CAPSL: variants seen among roughly 807,000 people sequenced by gnomAD.
CAPSL encodes calcyphosin-like protein.
In CAPSL, 17 loss-of-function variants were observed where a neutral mutation model predicts 21.3. The ratio of observed to expected loss-of-function variants is 0.80; its 90% CI spans 0.55 to 1.20. The LOEUF is 1.20. Among genes scored for constraint, CAPSL ranks in the 50% most tolerant of loss-of-function variants. CAPSL has a pLI of 0.00. For missense variants in CAPSL, 289 were observed against 259.3 expected (o/e 1.11, Z -0.79); for synonymous variants, 102 against 89.3 (o/e 1.14, Z -0.80).
chr5:35,914,603 A>G (rs1738322891), intron 2 of CAPSL, among the ~76,000 whole-genome samples: 1 of 152,208 alleles, frequency 6.6e-6, no homozygotes, highest in Admixed American at 6.5e-5. Flanking sequence ...CTGCTCCTGA[A>G]TGACTACTGG....
At chr5:35,937,088 C>T (rs149384324) in intron 1 of CAPSL, among the ~76,000 whole-genome samples, 412 of 152,316 alleles carry the variant, frequency 2.7e-3, no homozygotes, top group Non-Finnish European at 4.4e-3. Flanking sequence ...TTTCCATTCC[C>T]TCATCTCCAT....
At chr5:35,914,839 A>G (rs566117052) in intron 2 of CAPSL, among the ~76,000 whole-genome samples, 3 of 152,346 alleles carry the variant, frequency 2.0e-5, no homozygotes, top group Admixed American at 1.3e-4. Context: ...AGCTAGCAGA[A>G]GGCAAGAAAT....
intron 1 of CAPSL, among the ~76,000 whole-genome samples, chr5:35,921,981 G>C (rs1738550841): frequency 6.6e-6 from 1 of 151,878 alleles, no homozygotes; most frequent in African/African-American, 2.4e-5. Context: ...CAGTAAATGG[G>C]GGATTCTGGA....
intron 1 of CAPSL, among the ~76,000 whole-genome samples, chr5:35,927,481 C>A (rs544410432): frequency 1.1e-4 from 16 of 152,290 alleles, no homozygotes; most frequent in African/African-American, 3.8e-4. Context: ...ATACAGTAGG[C>A]AGCTGTTGAT....
At chr5:35,913,108 G>T (rs903917434) in intron 2 of CAPSL, among the ~76,000 whole-genome samples, 1 of 152,226 alleles carries the variant, frequency 6.6e-6, no homozygotes, top group Admixed American at 6.5e-5. Flanking sequence ...AAGGGTATCA[G>T]TGATGGAAGA....
intron 2 of CAPSL, among the ~76,000 whole-genome samples, chr5:35,917,936 T>C (rs1738435856): frequency 6.6e-6 from 1 of 152,136 alleles, no homozygotes; most frequent in South Asian, 2.1e-4. Flanking sequence ...AGAATGGTGA[T>C]CATTAAAAAG....
rs752533052 is a variant in CAPSL at position 35,909,940 on chromosome 5, CA to C, written c.450del (p.Asn150LysfsTer27). On this transcript the variant is annotated frameshift_variant, in exon 4 of 5. Coordinates refer to ENST00000651391, the MANE Select transcript of CAPSL (RefSeq NM_001042625.2). LOFTEE classifies it high-confidence loss of function. ...AATACTTGTTCCTCACTCCATTCCCCATTCTGGTACTTTGGGTGGTGTTTTG... is the reference window on the plus strand; with the variant it reads ...AATACTTGTTCCTCACTCCATTCCCCTTCTGGTACTTTGGGTGGTGTTTTG... Reference protein sequence around the residue: ...YNAKHHPKYQNGEWSEEQVFR... With the variant: ...YNAKHHPKYQXGEWSEEQVFR... The C allele has an allele frequency of 6.2e-7, 1 of 1,613,894 alleles. No individual in the cohort carries two copies. Among genetic ancestry groups the C allele is most frequent in the South Asian group, 1.1e-5 (1 of 90,992 alleles).
At chr5:35,937,017 C>A (rs1738965853) in intron 1 of CAPSL, among the ~76,000 whole-genome samples, 1 of 152,176 alleles carries the variant, frequency 6.6e-6, no homozygotes, top group South Asian at 2.1e-4. Context: ...CTCTTCCTAA[C>A]CCTTTACATC....
chr5:35,930,463 G>A lies in CAPSL; in HGVS notation c.-1+8078C>T, dbSNP rs75004967. Among the ~76,000 whole-genome samples, 29 of 152,140 alleles carry A rather than the reference G, an allele frequency of 1.9e-4. No individual in the cohort carries two copies. The East Asian group carries it at 5.6e-3, about 29-fold the overall frequency. On this transcript the variant is annotated intron_variant, in intron 1 of 4. Coordinates refer to ENST00000651391, the MANE Select transcript of CAPSL (RefSeq NM_001042625.2). ...CACTTTATTCACTGAACCAGGGTTG[G>A]GGCTAGGGCTAAGTAAGAGAAAGGC...
intron 2 of CAPSL, among the ~76,000 whole-genome samples, chr5:35,914,003 G>T (rs1332399546): frequency 6.6e-6 from 1 of 152,130 alleles, no homozygotes; most frequent in African/African-American, 2.4e-5. Flanking sequence ...ACAATAAAGG[G>T]ATGGAGGAAG....
At chr5:35,916,842 G>A (rs560351795) in intron 2 of CAPSL, among the ~76,000 whole-genome samples, 1,748 of 152,090 alleles carry the variant, frequency 0.011, 43 homozygotes, top group African/African-American at 0.04. Flanking sequence ...AAGCAATGGC[G>A]ACAAAAGCCA....
chr5:35,926,799 C>T (rs1738697637), intron 1 of CAPSL, among the ~76,000 whole-genome samples: 1 of 152,186 alleles, frequency 6.6e-6, no homozygotes. Flanking sequence ...GCTTTTACAT[C>T]CTCTTTGTTG....
intron 4 of CAPSL, among the ~76,000 whole-genome samples, chr5:35,907,987 C>A (rs2149915940): frequency 6.6e-6 from 1 of 152,320 alleles, no homozygotes; most frequent in Admixed American, 6.5e-5. Flanking sequence ...TTCAGAAACA[C>A]TTTTATTATG....
At position 35,912,078 on chromosome 5, in the gene CAPSL, C is replaced by T. The variant is rs144674401; in HGVS notation, c.138-1535G>A. Among the ~76,000 whole-genome samples the T allele has an allele frequency of 6.3e-3, 957 of 152,216 alleles. 18 individuals carry two copies. Among genetic ancestry groups the T allele is most frequent in the East Asian group, 0.056 (291 of 5,162 alleles). ...AGGAGATTATATCCTGCACCTGGCT[C>T]GGAGGATCCGACACCCACCGGGCCT... On this transcript the variant is annotated intron_variant, in intron 2 of 4. Coordinates refer to ENST00000651391, the MANE Select transcript of CAPSL (RefSeq NM_001042625.2).
At chr5:35,918,600 T>C (rs981150562) in intron 2 of CAPSL, among the ~76,000 whole-genome samples, 1 of 152,156 alleles carries the variant, frequency 6.6e-6, no homozygotes, top group African/African-American at 2.4e-5. Context: ...ATCCCAGCAC[T>C]TAAAGAATAA....
Position 35,921,071 on chromosome 5 carries a change from T to A in CAPSL, c.50A>T (p.Lys17Ile), listed in dbSNP as rs1451930776. ...HDREMAIQAK[K>I]KLTTATDPIE... ...GGGGTCGGTGGCCGTGGTGAGCTTT[T>A]TCTTGGCCTGGATCGCCATCTCTCG... The change falls in exon 2 of 5, where the codon AAA becomes ATA. Residue 17 changes from lysine to isoleucine, a missense_variant. Coordinates refer to ENST00000651391, the MANE Select transcript of CAPSL (RefSeq NM_001042625.2). The A allele has an allele frequency of 1.9e-6, 3 of 1,613,958 alleles. No homozygotes were observed. The highest frequency in any genetic ancestry group is 3.3e-5 in the Admixed American group (2 of 60,006).
chr5:35,912,694 C>A (rs549238793), intron 2 of CAPSL, among the ~76,000 whole-genome samples: 8 of 152,294 alleles, frequency 5.3e-5, no homozygotes, highest in African/African-American at 1.7e-4. Flanking sequence ...GACATCCACA[C>A]CAAAACCTCA....
chr5:35,905,082 G>C (rs910635658), intron 4 of CAPSL, among the ~76,000 whole-genome samples: 1 of 152,104 alleles, frequency 6.6e-6, no homozygotes, highest in Non-Finnish European at 1.5e-5. Context: ...TCTCTCCTGT[G>C]GGTGAAGAAA....
At chr5:35,904,786 AC>A (rs1760639958) in intron 4 of CAPSL, 140 bp from the exon 5 acceptor site, 218 of 1,287,704 alleles carry the variant, frequency 1.7e-4, no homozygotes, top group Non-Finnish European at 1.9e-4. Flanking sequence ...CTGATCTAAA[AC>A]AAAAGAACAA....
Sources: allele counts gnomAD v4.1 joint callset (sites outside exome capture counted in the v4.1 genomes callset), GRCh38; gene constraint gnomAD v4.1.1; transcripts MANE v1.5; gene names NCBI Gene and HGNC (gene_info 2026-07-23, HGNC 2026-07-21).